CCAR1: variants seen among roughly 807,000 people sequenced by gnomAD.
The protein encoded by CCAR1 is cell division cycle and apoptosis regulator protein 1.
Under a neutral mutation model 163.8 loss-of-function variants are expected in CCAR1, and 78 were observed. The observed-to-expected ratio is 0.48, with a 90% CI of 0.40 to 0.57. CCAR1 has a LOEUF of 0.57. Among genes scored for constraint, CCAR1 ranks in the 20% least tolerant of loss-of-function variants. CCAR1 has a pLI of 0.00. For synonymous variants in CCAR1, 443 were observed against 460.7 expected (o/e 0.96, Z 0.49); for missense variants, 1,019 against 1,365.2 (o/e 0.75, Z 4.00).
At chr10:68,732,103 GGGAGTT>G (rs2056047712) in intron 2 of CCAR1, among the ~76,000 whole-genome samples, 1 of 152,154 alleles carries the variant, frequency 6.6e-6, no homozygotes, top group Admixed American at 6.6e-5. Flanking sequence ...CCAGGGTTGT[GGGAGTT>G]GGTACCAGCA....
At chr10:68,789,218 T>C (rs947798164) in intron 23 of CCAR1, among the ~76,000 whole-genome samples, 3 of 151,826 alleles carry the variant, frequency 2.0e-5, no homozygotes, top group Admixed American at 1.3e-4. Context: ...CTCCACTTAG[T>C]TTTTACCAGT....
At chr10:68,783,826 C>G (rs1013639537) in intron 19 of CCAR1, among the ~76,000 whole-genome samples, 6 of 151,790 alleles carry the variant, frequency 4.0e-5, no homozygotes, top group Non-Finnish European at 8.8e-5. Flanking sequence ...GGCGCGATCT[C>G]AGCTCACTGC....
chr10:68,733,637 C>G (rs1589155386), intron 2 of CCAR1, among the ~76,000 whole-genome samples: 1 of 151,910 alleles, frequency 6.6e-6, no homozygotes, highest in Non-Finnish European at 1.5e-5. Context: ...GACCCCATCT[C>G]TATTATAATA....
In CCAR1 at chr10:68,749,220, G is replaced by T; in HGVS notation, c.911G>T (p.Arg304Ile). The T allele has an allele frequency of 6.2e-7, 1 of 1,613,524 alleles. No homozygotes were observed. Among genetic ancestry groups the T allele is most frequent in the Non-Finnish European group, 8.5e-7 (1 of 1,179,888 alleles). Residue 304 changes from arginine to isoleucine, a missense_variant, in exon 9 of 25, where the codon AGA (arginine) becomes ATA (isoleucine). Coordinates refer to ENST00000265872, the MANE Select transcript of CCAR1 (RefSeq NM_018237.4). ...RLDPPSRFSG[R>I]NDRGDQVPNR... is the part of the protein sequence containing the mutation. Reference sequence around the variant, plus strand: ...GATCCCCCATCCCGATTTTCAGGAAGAAATGACAGAGGGGATCAAGTGCCT... The same window carrying T: ...GATCCCCCATCCCGATTTTCAGGAATAAATGACAGAGGGGATCAAGTGCCT...
chr10:68,786,393 A>G (rs1233554311), intron 20 of CCAR1, among the ~76,000 whole-genome samples, 153 bp from the exon 21 acceptor site: 1 of 152,148 alleles, frequency 6.6e-6, no homozygotes, highest in African/African-American at 2.4e-5. Flanking sequence ...CTTTTCTCTC[A>G]TATTCGTATA....
rs764595422 is a variant in CCAR1 at position 68,771,492 on chromosome 10, G to C, written c.2538+47G>C. On this transcript the variant is annotated intron_variant, in intron 18 of 24. Coordinates refer to ENST00000265872, the MANE Select transcript of CCAR1 (RefSeq NM_018237.4). The stretch of plus-strand genomic sequence containing the variant: ...TAGAAGCTTTCAGTTACTCTTCTAG[G>C]TTATAAAGGTTGATGTTGATTTCCA... 6.1e-6 allele frequency: 9 copies of C among 1,463,926 alleles called. No individual in the cohort carries two copies. In the Admixed American group the frequency reaches 8.8e-5, roughly 14 times the overall value. 90.7% of individuals were successfully genotyped at this position (1,463,926 alleles called of 1,614,324 possible). A position where few individuals can be genotyped will look rare whatever the true frequency, so the allele number is the denominator to read the frequency against.
At chr10:68,762,351 CA>C (rs1434304298) in intron 16 of CCAR1, among the ~76,000 whole-genome samples, 1 of 34,468 alleles carries the variant, frequency 2.9e-5, no homozygotes, top group Non-Finnish European at 5.9e-5. Context: ...AAACAAAAAA[CA>C]AACAAAAAAA....
intron 2 of CCAR1, among the ~76,000 whole-genome samples, chr10:68,731,969 C>G (rs761445066): frequency 1.3e-5 from 2 of 152,138 alleles, no homozygotes; most frequent in Non-Finnish European, 2.9e-5. Context: ...TGTCATCTTA[C>G]CTACTTGGTG....
At chr10:68,787,784 G>A (rs533176510) in intron 21 of CCAR1, 143 bp from the exon 22 acceptor site, 13 of 668,810 alleles carry the variant, frequency 1.9e-5, no homozygotes, top group Admixed American at 1.3e-4. Context: ...GTAGTGAGTC[G>A]AGATCACACC....
At chr10:68,734,499 C>CT (rs1489714840) in intron 2 of CCAR1, among the ~76,000 whole-genome samples, 1 of 149,178 alleles carries the variant, frequency 6.7e-6, no homozygotes, top group Non-Finnish European at 1.5e-5. Flanking sequence ...TTTTTTTTTT[C>CT]TTTTTTCTTT....
intron 17 of CCAR1, among the ~76,000 whole-genome samples, chr10:68,769,488 C>T (rs746134139): frequency 4.6e-5 from 7 of 151,984 alleles, no homozygotes; most frequent in African/African-American, 1.2e-4. Flanking sequence ...GGCGTGGTGG[C>T]GCGTACGTGT....
chr10:68,758,821 T>C (rs1156458722), intron 15 of CCAR1, among the ~76,000 whole-genome samples: 1 of 151,530 alleles, frequency 6.6e-6, no homozygotes, highest in African/African-American at 2.4e-5. Flanking sequence ...TACAGGCCTG[T>C]GCCACCATGC....
rs2056285993 is a variant in CCAR1, at chr10:68,748,391, ACT to A, written c.827-742_827-741del. 3.3e-5 allele frequency among the ~76,000 whole-genome samples: 5 copies of A among 151,588 alleles called. No homozygotes were observed. The South Asian group carries it at 1.0e-3, about 32-fold the overall frequency. On this transcript the variant is annotated intron_variant, in intron 8 of 24. Transcript: ENST00000265872. ...CTTCAGTCTGGGCGATAAGAGCAAAACTCTGTCTCAAAAAAAAGAGAAAAAGA... is the reference window on the plus strand; with the variant it reads ...CTTCAGTCTGGGCGATAAGAGCAAAACTGTCTCAAAAAAAAGAGAAAAAGA...
At chr10:68,772,328 G>C (rs747904086) in intron 18 of CCAR1, among the ~76,000 whole-genome samples, 7 of 151,886 alleles carry the variant, frequency 4.6e-5, no homozygotes, top group Non-Finnish European at 1.0e-4. Context: ...ACAAAAATTA[G>C]GAAAATTAGC....
intron 2 of CCAR1, among the ~76,000 whole-genome samples, chr10:68,734,542 GC>G (rs2056082351): frequency 6.6e-6 from 1 of 151,742 alleles, no homozygotes; most frequent in Admixed American, 6.6e-5. Flanking sequence ...TGTCACCCAG[GC>G]TAGAGTGCAG....
chr10:68,780,954 A>G (rs1447144513), intron 19 of CCAR1, among the ~76,000 whole-genome samples: 1 of 152,150 alleles, frequency 6.6e-6, no homozygotes, highest in Non-Finnish European at 1.5e-5. Flanking sequence ...CAATTGTGCC[A>G]GGCACGGTGG....
chr10:68,766,780 C>T (rs1407031756), intron 17 of CCAR1, among the ~76,000 whole-genome samples: 1 of 152,238 alleles, frequency 6.6e-6, no homozygotes, highest in Non-Finnish European at 1.5e-5. Flanking sequence ...CCGCCTCAGC[C>T]TCCCAAAGTG....
chr10:68,742,260 T>C, intron 5 of CCAR1, 116 bp from the exon 6 acceptor site: 2 of 712,174 alleles, frequency 2.8e-6, no homozygotes, highest in Non-Finnish European at 4.5e-6. Context: ...TGTACATGTA[T>C]ATCTTCTAAC....
At chr10:68,729,624 A>C (rs944383463) in intron 2 of CCAR1, among the ~76,000 whole-genome samples, 3 of 150,622 alleles carry the variant, frequency 2.0e-5, no homozygotes, top group African/African-American at 7.3e-5. Flanking sequence ...TGATTCCAGG[A>C]GTTTGAGACC....
Sources: gnomAD v4.1 joint callset for allele counts (sites outside exome capture counted in the v4.1 genomes callset) on GRCh38, gnomAD v4.1.1 for gene constraint, MANE v1.5 for transcripts, NCBI Gene and HGNC (gene_info 2026-07-23, HGNC 2026-07-21) for gene names.